The following NPLOC4 variants were observed in gnomAD, a reference collection of about 807,000 sequenced individuals.
The protein encoded by NPLOC4 is NPL4 homolog, ubiquitin recognition factor.
NPLOC4 carries 18 observed loss-of-function variants against 80.6 expected under a neutral mutation model. The ratio of observed to expected loss-of-function variants is 0.22; its 90% confidence interval spans 0.15 to 0.33. NPLOC4 has a LOEUF of 0.33. NPLOC4 is among the 10% of genes least tolerant of loss of function. NPLOC4 has a pLI of 1.00. For missense variants in NPLOC4, 540 were observed against 786.1 expected, an observed-to-expected ratio of 0.69 and a Z score of 3.74; for synonymous variants, 313 against 301.5, an observed-to-expected ratio of 1.04 and a Z score of -0.39.
At chr17:81,630,775 G>C (rs1445134697) in intron 1 of NPLOC4, among the ~76,000 whole-genome samples, 1 of 152,178 alleles carries the variant, frequency 6.6e-6, no homozygotes, top group African/African-American at 2.4e-5. Context: ...TACTTGGGGA[G>C]CTGAGGCACG....
intron 11 of NPLOC4, among the ~76,000 whole-genome samples, chr17:81,595,057 T>A (rs951627833): frequency 5.3e-5 from 8 of 152,114 alleles, no homozygotes; most frequent in African/African-American, 1.9e-4. Context: ...TTTTTCCAAA[T>A]GTTTTATTTA....
intron 13 of NPLOC4, among the ~76,000 whole-genome samples, chr17:81,569,591 ACACAAAGCACCCTTCAGCAGCT>A (rs1278527361): frequency 6.6e-6 from 1 of 152,218 alleles, no homozygotes; most frequent in Non-Finnish European, 1.5e-5. Flanking sequence ...AGCTTTCAAG[ACACAAAGCACCCTTCAGCAGCT>A]CACTAAGCCC....
chr17:81,606,460 G>C (rs1008015283), intron 7 of NPLOC4, among the ~76,000 whole-genome samples: 1 of 152,082 alleles, frequency 6.6e-6, no homozygotes, highest in Non-Finnish European at 1.5e-5. Context: ...GCCTCCATAT[G>C]AGCCAGCAAA....
At chr17:81,629,869 C>A in intron 1 of NPLOC4, 64 bp from the exon 2 acceptor site, 1 of 1,212,040 alleles carries the variant, frequency 8.3e-7, no homozygotes, top group African/African-American at 1.5e-5. Context: ...AATACTACGG[C>A]TTCCATCTGT....
intron 2 of NPLOC4, among the ~76,000 whole-genome samples, chr17:81,624,992 T>G (rs1272667499): frequency 6.6e-6 from 1 of 152,156 alleles, no homozygotes; most frequent in Non-Finnish European, 1.5e-5. Context: ...AAATCCCTGT[T>G]GCTCAACACC....
At chr17:81,634,958 G>A (rs1037353980) in intron 1 of NPLOC4, among the ~76,000 whole-genome samples, 9 of 152,080 alleles carry the variant, frequency 5.9e-5, no homozygotes, top group Non-Finnish European at 2.9e-5. Context: ...GCAATTTTGG[G>A]ACCCCAAGGT....
chr17:81,578,337 G>A (rs1005888927), intron 12 of NPLOC4, among the ~76,000 whole-genome samples: 1 of 151,890 alleles, frequency 6.6e-6, no homozygotes, highest in Non-Finnish European at 1.5e-5. Flanking sequence ...TGGCCACCTC[G>A]GCGCACCCTG....
chr17:81,576,165 G>C (rs908345996), intron 12 of NPLOC4, among the ~76,000 whole-genome samples: 2 of 152,232 alleles, frequency 1.3e-5, no homozygotes, highest in African/African-American at 4.8e-5. Context: ...CAAACATCTA[G>C]AGAAGCACAA....
chr17:81,632,116 C>T (rs753369056), intron 1 of NPLOC4, among the ~76,000 whole-genome samples: 1 of 151,834 alleles, frequency 6.6e-6, no homozygotes, highest in African/African-American at 2.4e-5. Flanking sequence ...GCTGGGATTA[C>T]AGGCGTGCAC....
In NPLOC4 at chr17:81,596,156, G is replaced by C. The variant is rs370550311; in HGVS notation, c.1080C>G (p.Asp360Glu). 1.2e-6 allele frequency: 2 copies of C among 1,613,906 alleles called. No individual in the cohort carries two copies. Among genetic ancestry groups the C allele is most frequent in the Admixed American group, 1.7e-5 (1 of 60,010 alleles). Residue 360 changes from aspartate to glutamate, a missense_variant, in exon 11 of 17, where the codon GAC becomes GAG. Physicochemically the swap from Asp to Glu is conservative, Grantham distance 45. Transcript: ENST00000331134. The part of the protein sequence containing the change: ...KHPNMCRLSP[D>E]GHFGSKFVTA... ...TAACAAACTTGGATCCAAAATGTCCGTCTGGAGAGAGCCGGCACATGTTGG... is the reference window on the plus strand; with the variant it reads ...TAACAAACTTGGATCCAAAATGTCCCTCTGGAGAGAGCCGGCACATGTTGG...
At chr17:81,586,534 C>A (rs2034585665) in intron 12 of NPLOC4, among the ~76,000 whole-genome samples, 1 of 149,958 alleles carries the variant, frequency 6.7e-6, no homozygotes, top group South Asian at 2.1e-4. Flanking sequence ...CGCTTGAACT[C>A]AAGGGGCGGA....
chr17:81,579,940 T>C (rs1240076685), intron 12 of NPLOC4, among the ~76,000 whole-genome samples: 1 of 151,960 alleles, frequency 6.6e-6, no homozygotes, highest in Non-Finnish European at 1.5e-5. Context: ...CAGCCGCTTA[T>C]CTACTACTCA....
intron 16 of NPLOC4, 21 bp from the exon 17 acceptor site, chr17:81,559,437 G>A: frequency 6.2e-7 from 1 of 1,600,252 alleles, no homozygotes; most frequent in Non-Finnish European, 8.5e-7. Flanking sequence ...GAAGAGAAAT[G>A]AGCACTCATC....
At chr17:81,565,782 TG>T (rs2033992343) in intron 15 of NPLOC4, among the ~76,000 whole-genome samples, 175 bp from the exon 16 acceptor site, 1 of 152,232 alleles carries the variant, frequency 6.6e-6, no homozygotes, top group South Asian at 2.1e-4. Flanking sequence ...TAAACGCAAG[TG>T]CTAAATTGAA....
intron 9 of NPLOC4, among the ~76,000 whole-genome samples, 185 bp downstream of exon 9, chr17:81,600,156 T>C (rs745718236): frequency 6.6e-6 from 1 of 151,920 alleles, no homozygotes; most frequent in Non-Finnish European, 1.5e-5. Context: ...CAGAGGAACA[T>C]AAAGGTTATT....
In NPLOC4 at chr17:81,577,746, C is replaced by T. The variant is rs2034339734; in HGVS notation, c.1282-5658G>A. Among the ~76,000 whole-genome samples the T allele has an allele frequency of 6.6e-6, 1 of 152,198 alleles. No homozygotes were observed. Among genetic ancestry groups the T allele is most frequent in the African/African-American group, 2.4e-5 (1 of 41,452 alleles). The stretch of plus-strand genomic sequence containing the variant: ...CCATGGCTCTACTCTGGCACCAGTG[C>T]CAACCCTGCTCCCCAAAACCAGGAA... On this transcript the variant is annotated intron_variant, in intron 12 of 16. Coordinates refer to ENST00000331134, the MANE Select transcript of NPLOC4 (RefSeq NM_017921.4). This position sits in a 1 kb window ranked among gnomAD's most constrained non-coding sequence, Gnocchi z 4.3.
chr17:81,602,443 G>A (rs917200794), intron 8 of NPLOC4, among the ~76,000 whole-genome samples: 17 of 151,890 alleles, frequency 1.1e-4, no homozygotes, highest in African/African-American at 2.9e-4. Context: ...AGTGGCTCAC[G>A]CCTATAATCC....
chr17:81,594,239 C>T (rs1224506347), intron 11 of NPLOC4, among the ~76,000 whole-genome samples: 2 of 123,312 alleles, frequency 1.6e-5, no homozygotes, highest in African/African-American at 6.5e-5. Flanking sequence ...AGCGCCACTG[C>T]AGTCCAGCCT....
At chr17:81,588,141 A>C (rs1332130305) in intron 12 of NPLOC4, 1 of 152,224 alleles carries the variant, frequency 6.6e-6, no homozygotes, top group Non-Finnish European at 1.5e-5. Flanking sequence ...CAGATCAACG[A>C]ATGTGAAGAC....
Sources: gnomAD v4.1 joint callset for allele counts (sites outside exome capture counted in the v4.1 genomes callset) on GRCh38, gnomAD v4.1.1 for gene constraint, Gnocchi (gnomAD v3.1) non-coding constraint, MANE v1.5 for transcripts, NCBI Gene and HGNC (gene_info 2026-07-23, HGNC 2026-07-21) for gene names.